The following SGO1 variants were observed in gnomAD, a reference collection of about 807,000 sequenced individuals.
SGO1 encodes the protein shugoshin 1.
A neutral mutation model predicts 50.5 loss-of-function variants in SGO1; 39 were observed. That is an observed-to-expected ratio of 0.77 (90% CI 0.60 to 1.01). SGO1 has a LOEUF of 1.01. SGO1 is among the 50% of genes least tolerant of loss of function. The pLI, the probability that SGO1 is intolerant of heterozygous loss-of-function variation, is 0.00. For missense variants in SGO1, 638 were observed against 606.0 expected, an observed-to-expected ratio of 1.05 and a Z score of -0.55; for synonymous variants, 191 against 205.1, an observed-to-expected ratio of 0.93 and a Z score of 0.59.
intron 4 of SGO1, among the ~76,000 whole-genome samples, chr3:20,177,877 T>TTTTATTTATTTA (rs10662477): frequency 0.098 from 14,789 of 151,078 alleles, 949 homozygotes; most frequent in Non-Finnish European, 0.14. Flanking sequence ...AAATATGATA[T>TTTTATTTATTTA]TTTATTTATT....
chr3:20,162,834 T>C (rs1350393789), intron 8 of SGO1, among the ~76,000 whole-genome samples: 1 of 147,034 alleles, frequency 6.8e-6, no homozygotes, highest in Middle Eastern at 3.2e-3. Flanking sequence ...ACAGAAAAAA[T>C]ACACTGGATA....
upstream of SGO1, chr3:20,186,435 G>C (rs1439361454): frequency 6.6e-6 from 1 of 152,270 alleles, no homozygotes; most frequent in Non-Finnish European, 1.5e-5. Context: ...GGATTTTACG[G>C]GTGGAGTTAC....
chr3:20,179,055 C>T (rs1398851514), intron 3 of SGO1, among the ~76,000 whole-genome samples: 2 of 151,924 alleles, frequency 1.3e-5, no homozygotes, highest in Non-Finnish European at 2.9e-5. Flanking sequence ...GAGGTGAAGC[C>T]CAGTGGAAGG....
chr3:20,167,473 T>C (rs1408297799), downstream of SGO1, among the ~76,000 whole-genome samples: 2 of 152,056 alleles, frequency 1.3e-5, no homozygotes, highest in African/African-American at 2.4e-5. Flanking sequence ...GTAGACTATA[T>C]AAAAAATCCA....
Position 20,183,951 on chromosome 3 carries a change from CT to C in SGO1, c.76del (p.Arg26GlyfsTer15), listed in dbSNP as rs771742010. The C allele has an allele frequency of 1.9e-6, 3 of 1,612,600 alleles. No individual in the cohort carries two copies. Among genetic ancestry groups the C allele is most frequent in the Non-Finnish European group, 2.5e-6 (3 of 1,179,638 alleles). Reference protein sequence around the residue: ...EDIKKRMKEKRNKNLAEIGKR... With the variant: ...EDIKKRMKEKXNKNLAEIGKR... The stretch of plus-strand genomic sequence containing the variant: ...GCCAATCTCTGCCAAGTTTTTATTC[CT>C]TTTCTCTTTCATTCGCTTCTTTATG... On this transcript the variant is annotated frameshift_variant, in exon 2 of 8. Transcript: ENST00000412997. LOFTEE classifies it high-confidence loss of function.
chr3:20,185,185 T>C (rs1702491623), intron 1 of SGO1, among the ~76,000 whole-genome samples: 1 of 152,180 alleles, frequency 6.6e-6, no homozygotes, highest in South Asian at 2.1e-4. Context: ...AGGGTAGCTA[T>C]TTTTAAAAGC....
chr3:20,164,898 T>C (rs1318241643), downstream of SGO1, among the ~76,000 whole-genome samples: 1 of 152,140 alleles, frequency 6.6e-6, no homozygotes, highest in African/African-American at 2.4e-5. Flanking sequence ...ATCAAGCCTG[T>C]AAGAAAATTA....
chr3:20,176,951 G>A (rs911365416), intron 4 of SGO1, among the ~76,000 whole-genome samples: 1 of 152,176 alleles, frequency 6.6e-6, no homozygotes, highest in African/African-American at 2.4e-5. Context: ...AACAGCCCAT[G>A]AGAATTAATT....
rs551612239 is a variant in SGO1 at position 20,171,088 on chromosome 3, C to T, written c.1427G>A (p.Arg476His). Residue 476 changes from arginine to histidine, a missense_variant, in exon 7 of 8, where the codon CGT becomes CAT. Transcript: ENST00000412997. ...KASPAVALPK[R>H]RCTASVNYKE... ...ATAGTTCACGCTGGCTGTGCACCTA[C>T]GTTTAGGCAGAGCCACTGCTGGGCT... 4 of 1,610,064 alleles carry T rather than the reference C, an allele frequency of 2.5e-6. No homozygotes were observed. Among genetic ancestry groups the T allele is most frequent in the Admixed American group, 1.7e-5 (1 of 58,906 alleles).
chr3:20,172,788 A>G (rs948418165), intron 6 of SGO1, among the ~76,000 whole-genome samples: 3 of 132,136 alleles, frequency 2.3e-5, no homozygotes, highest in African/African-American at 9.2e-5. Flanking sequence ...ATCTTCACAA[A>G]AAGTAAAAAA....
chr3:20,171,842 A>C (rs1053860102), intron 6 of SGO1, among the ~76,000 whole-genome samples: 1 of 152,238 alleles, frequency 6.6e-6, no homozygotes, highest in Admixed American at 6.5e-5. Flanking sequence ...AAAGTTACTC[A>C]GTGTTTTTCC....
chr3:20,160,985 G>A, exon 9 of SGO1: 2 of 1,444,728 alleles, frequency 1.4e-6, no homozygotes, highest in Non-Finnish European at 1.9e-6. Flanking sequence ...GAGTGAAACA[G>A]ACTGTCAACA....
In SGO1 at chr3:20,174,825, G is replaced by C. The variant is rs764800545; in HGVS notation, c.706C>G (p.His236Asp). 1.2e-6 allele frequency: 2 copies of C among 1,613,900 alleles called. No individual in the cohort carries two copies. The part of the protein sequence containing the change: ...VGFLDPLVNM[H>D]IPENVQHNAC... ...TTGTGTTGTACATTTTCAGGTATGTGCATGTTTACTAGTGGGTCTAAAAAT... is the reference window on the plus strand; with the variant it reads ...TTGTGTTGTACATTTTCAGGTATGTCCATGTTTACTAGTGGGTCTAAAAAT... The change falls in exon 6 of 8, where the codon CAC (histidine) becomes GAC (aspartate). Residue 236 changes from histidine to aspartate, a missense_variant. By Grantham distance (81) the His-to-Asp change is moderately conservative (BLOSUM62 -1). Transcript: ENST00000412997.
exon 9 of SGO1, chr3:20,160,898 C>T (rs886143412): frequency 2.7e-5 from 15 of 550,778 alleles, no homozygotes; most frequent in African/African-American, 4.0e-5. Flanking sequence ...GGGTTCAACA[C>T]GTACTGATTC....
chr3:20,163,097 G>A (rs1299399952), intron 8 of SGO1, among the ~76,000 whole-genome samples: 3 of 151,912 alleles, frequency 2.0e-5, no homozygotes, highest in Non-Finnish European at 4.4e-5. Flanking sequence ...CAAAGTAGAC[G>A]GAAGAATGTC....
At chr3:20,183,587 C>T (rs757923099) in intron 3 of SGO1, 21 bp downstream of exon 3, 33 of 1,535,906 alleles carry the variant, frequency 2.1e-5, no homozygotes, top group Middle Eastern at 1.7e-4. Context: ...CTAAGAAATT[C>T]GGCCTTAGTA....
intron 6 of SGO1, among the ~76,000 whole-genome samples, chr3:20,172,414 T>C (rs770936911): frequency 6.7e-5 from 10 of 149,744 alleles, no homozygotes; most frequent in Non-Finnish European, 4.4e-5. Flanking sequence ...GGCAGGAGAA[T>C]CGCTTGAACC....
At chr3:20,176,077 C>T (rs971220089) in intron 5 of SGO1, among the ~76,000 whole-genome samples, 7 of 152,134 alleles carry the variant, frequency 4.6e-5, no homozygotes, top group African/African-American at 2.4e-5. Flanking sequence ...TCTGGTTTTG[C>T]TTATTCAAAT....
At position 20,174,557 on chromosome 3, in the gene SGO1, ATT is replaced by A; in HGVS notation, c.972_973del (p.Lys324AsnfsTer9). On this transcript the variant is annotated frameshift_variant, in exon 6 of 8. Coordinates refer to ENST00000412997, the MANE Select transcript of SGO1 (RefSeq NM_001199251.3). LOFTEE classifies it high-confidence loss of function. ...ATCATTGGAACTGACAGATTTGTGC[ATT>A]TTTTTTTGGGGAACAGTTTTTTTAT... 2 of 1,592,446 alleles carry A rather than the reference ATT, an allele frequency of 1.3e-6. No individual in the cohort carries two copies. The highest frequency in any genetic ancestry group is 1.7e-6 in the Non-Finnish European group (2 of 1,168,888).
Sources: gnomAD v4.1 joint callset for allele counts (sites outside exome capture counted in the v4.1 genomes callset) on GRCh38, gnomAD v4.1.1 for gene constraint, MANE v1.5 for transcripts, NCBI Gene and HGNC (gene_info 2026-07-23, HGNC 2026-07-21) for gene names.